ANKRD11: variants seen among roughly 807,000 people sequenced by gnomAD.
ANKRD11 encodes the protein ankyrin repeat domain-containing protein 11.
A neutral mutation model predicts 195.7 loss-of-function variants in ANKRD11; 17 were observed. The ratio of observed to expected loss-of-function variants is 0.09; its 90% CI spans 0.06 to 0.13. The LOEUF (loss-of-function observed/expected upper bound fraction) is 0.13, where lower values mean the gene tolerates loss of function less well. ANKRD11 is among the 10% of genes least tolerant of loss of function. The pLI is 1.00. For synonymous variants in ANKRD11, 1,953 were observed against 1,528.1 expected, an observed-to-expected ratio of 1.28 and a Z score of -6.49; for missense variants, 3,735 against 3,566.1, an observed-to-expected ratio of 1.05 and a Z score of -1.21.
At chr16:89,357,978 T>C (rs2039562573) in intron 2 of ANKRD11, among the ~76,000 whole-genome samples, 1 of 152,258 alleles carries the variant, frequency 6.6e-6, no homozygotes. Flanking sequence ...TGATGCTCAA[T>C]TTCTGAAATC....
intron 2 of ANKRD11, chr16:89,392,592 G>A (rs1271952225): frequency 6.6e-6 from 1 of 151,808 alleles, no homozygotes; most frequent in Non-Finnish European, 1.5e-5. Context: ...GTGATGTGTT[G>A]AAGCAGACCT....
chr16:89,459,144 TC>T, intron 1 of ANKRD11: 1 of 186,752 alleles, frequency 5.4e-6, no homozygotes, highest in Non-Finnish European at 1.2e-5. Flanking sequence ...TTCTAAGAAA[TC>T]AAGACAACCT....
Position 89,280,519 on chromosome 16 carries a change from A to T in ANKRD11, c.6023T>A (p.Phe2008Tyr), listed in dbSNP as rs1486441800. 13 of 1,610,874 alleles carry T rather than the reference A, an allele frequency of 8.1e-6. No individual in the cohort carries two copies. The highest frequency in any genetic ancestry group is 1.1e-5 in the Non-Finnish European group (13 of 1,179,162). The change falls in exon 9 of 13, where the codon TTC becomes TAC. Residue 2008 changes from phenylalanine (F) to tyrosine (Y), a missense_variant. Coordinates refer to ENST00000301030, the MANE Select transcript of ANKRD11 (RefSeq NM_013275.6). ...GGGGTACGGCGCCTCCGAGGCGCTG[A>T]AGGGCCCTGGGGCGGCAGAGTGGAG... Reference protein sequence around the residue: ...DPLHSAAPGPFSASEAPYPAP... With the variant: ...DPLHSAAPGPYSASEAPYPAP...
intron 1 of ANKRD11, among the ~76,000 whole-genome samples, chr16:89,429,910 G>A (rs1390159523): frequency 5.2e-5 from 4 of 76,856 alleles, no homozygotes; most frequent in African/African-American, 1.7e-4. Context: ...GCGCTCAGAC[G>A]TTCTAGTACA....
intron 2 of ANKRD11, among the ~76,000 whole-genome samples, chr16:89,355,993 A>T (rs1190828541): frequency 6.6e-6 from 1 of 152,170 alleles, no homozygotes; most frequent in African/African-American, 2.4e-5. Context: ...GGAGGATCAC[A>T]TGAGCCCCGC....
Position 89,283,330 on chromosome 16 carries a change from C to T in ANKRD11, c.3212G>A (p.Gly1071Asp). The change falls in exon 9 of 13, where the codon GGC becomes GAC. Residue 1071 changes from glycine to aspartate, a missense_variant. Physicochemically the swap from Gly to Asp is moderately conservative, Grantham distance 94. Transcript: ENST00000301030. The surrounding 1 kb of genome is among the most constrained non-coding windows in gnomAD (Gnocchi z 4.3). ...AGACGCTTTCCTTTCTTTGTCTTTG[C>T]CATGTGTGTCTTTATGTTTTTCCTT... ...DTKEKHKDTH[G>D]KDKERKASLD... The T allele has an allele frequency of 6.2e-7, 1 of 1,613,844 alleles. No individual in the cohort carries two copies. Among genetic ancestry groups the T allele is most frequent in the African/African-American group, 1.3e-5 (1 of 75,024 alleles).
In ANKRD11 at chr16:89,452,335, G is replaced by A. The variant is rs544954394; in HGVS notation, c.-144-33967C>T. On this transcript the variant is annotated intron_variant, in intron 1 of 12. Coordinates refer to ENST00000301030, the MANE Select transcript of ANKRD11 (RefSeq NM_013275.6). ...AGTGCACCCCTTACCCCACTCCCCT[G>A]GAGCCACAAGCCAAGAGGGCAAGGT... Among the ~76,000 whole-genome samples the A allele has an allele frequency of 3.3e-5, 5 of 152,196 alleles. No individual in the cohort carries two copies. In the East Asian group the frequency reaches 5.8e-4, roughly 18 times the overall value.
chr16:89,462,371 C>G (rs2056709870), intron 1 of ANKRD11, among the ~76,000 whole-genome samples: 1 of 152,226 alleles, frequency 6.6e-6, no homozygotes, highest in Non-Finnish European at 1.5e-5. Context: ...TCACTCAGTG[C>G]TCAATGGTGC....
At position 89,284,059 on chromosome 16, in the gene ANKRD11, T is replaced by C. The variant is rs1328224424; in HGVS notation, c.2483A>G (p.Asp828Gly). 6.2e-7 allele frequency: 1 copy of C among 1,614,050 alleles called. No individual in the cohort carries two copies. The highest frequency in any genetic ancestry group is 1.3e-5 in the African/African-American group (1 of 74,942). ...ATCGTCAGAAAGGCTAAATTTGGTG[T>C]CTTCATTCTCCAGAAACTGATTTTT... ...CNKNQFLENEDTKFSLSDDQR... is the reference protein window; with the variant it reads ...CNKNQFLENEGTKFSLSDDQR... The change falls in exon 9 of 13, where the codon GAC becomes GGC. Residue 828 changes from aspartate (D) to glycine (G), a missense_variant. Asp to Gly is a moderately conservative substitution (Grantham distance 94). Transcript: ENST00000301030.
chr16:89,381,281 G>A (rs1219424548), intron 2 of ANKRD11, among the ~76,000 whole-genome samples: 2 of 144,044 alleles, frequency 1.4e-5, no homozygotes, highest in Admixed American at 7.2e-5. Context: ...GCAGTGAGGC[G>A]ACAATGCGCC....
At chr16:89,462,573 T>C (rs1567839296) in intron 1 of ANKRD11, among the ~76,000 whole-genome samples, 1 of 150,572 alleles carries the variant, frequency 6.6e-6, no homozygotes, top group African/African-American at 2.5e-5. Flanking sequence ...CTGCCCAGTC[T>C]GGAAAGTGAG....
intron 11 of ANKRD11, chr16:89,271,416 G>C (rs145919902): frequency 8.6e-6 from 2 of 233,654 alleles, no homozygotes; most frequent in Non-Finnish European, 1.7e-5. Context: ...TGTATTTTTA[G>C]TAGAGACGGG....
At chr16:89,470,326 T>C (rs116899671) in intron 1 of ANKRD11, among the ~76,000 whole-genome samples, 6 of 152,174 alleles carry the variant, frequency 3.9e-5, no homozygotes, top group Non-Finnish European at 7.4e-5. Flanking sequence ...TCCTGCCCTG[T>C]AGAAAAAGCG....
intron 2 of ANKRD11, among the ~76,000 whole-genome samples, chr16:89,385,898 C>T (rs115840256): frequency 0.019 from 2,933 of 152,346 alleles, 98 homozygotes; most frequent in African/African-American, 0.067. Flanking sequence ...GTAGGCAACC[C>T]GGTGGTCCCC....
chr16:89,449,129 T>G (rs575690146), intron 1 of ANKRD11, among the ~76,000 whole-genome samples: 1 of 151,150 alleles, frequency 6.6e-6, no homozygotes, highest in East Asian at 2.0e-4. Flanking sequence ...GGCCGGAGGA[T>G]TGCTTGAGCC....
chr16:89,361,947 T>G (rs2039750706), intron 2 of ANKRD11, among the ~76,000 whole-genome samples: 1 of 152,178 alleles, frequency 6.6e-6, no homozygotes, highest in Non-Finnish European at 1.5e-5. Context: ...TGGCACAGCC[T>G]TGCAACACCC....
chr16:89,347,055 G>GA (rs2152016964), intron 2 of ANKRD11, among the ~76,000 whole-genome samples: 1 of 152,144 alleles, frequency 6.6e-6, no homozygotes, highest in East Asian at 1.9e-4. Flanking sequence ...TCTGCTGGGC[G>GA]AAAGGCCAGC....
chr16:89,441,421 C>G (rs1339364827), intron 1 of ANKRD11, among the ~76,000 whole-genome samples: 8 of 152,002 alleles, frequency 5.3e-5, no homozygotes, highest in Admixed American at 2.6e-4. Flanking sequence ...TATTCCATCA[C>G]CCAGCAACAA....
chr16:89,301,091 T>G, intron 4 of ANKRD11: 1 of 532,928 alleles, frequency 1.9e-6, no homozygotes, highest in Non-Finnish European at 3.3e-6. Flanking sequence ...ATTCGCTGGT[T>G]GACTGATTAT....
Sources: allele counts gnomAD v4.1 joint callset (sites outside exome capture counted in the v4.1 genomes callset), GRCh38; gene constraint gnomAD v4.1.1; non-coding constraint Gnocchi (gnomAD v3.1); transcripts MANE v1.5; gene names NCBI Gene and HGNC (gene_info 2026-07-23, HGNC 2026-07-21).